VPS13A: variants seen among roughly 807,000 people sequenced by gnomAD.
VPS13A encodes intermembrane lipid transfer protein VPS13A.
In VPS13A, 264 loss-of-function variants were observed where a neutral mutation model predicts 390.9. The ratio of observed to expected loss-of-function variants is 0.68; its 90% CI spans 0.61 to 0.75. VPS13A has a LOEUF of 0.75. Among genes scored for constraint, VPS13A ranks in the 30% least tolerant of loss-of-function variants. The pLI, the probability that VPS13A is intolerant of heterozygous loss-of-function variation, is 0.00. For synonymous variants in VPS13A, 1,231 were observed against 1,227.1 expected (o/e 1.00, Z -0.07); for missense variants, 3,409 against 3,733.9 (o/e 0.91, Z 2.27).
intron 45 of VPS13A, among the ~76,000 whole-genome samples, chr9:77,329,933 A>AT (rs1213747253): frequency 2.0e-5 from 3 of 152,096 alleles, no homozygotes; most frequent in African/African-American, 7.2e-5. Flanking sequence ...TCCTGCTATC[A>AT]TATTGCTGTT....
chr9:77,191,724 T>C (rs558029795), intron 1 of VPS13A, among the ~76,000 whole-genome samples: 1 of 152,348 alleles, frequency 6.6e-6, no homozygotes, highest in Non-Finnish European at 1.5e-5. Flanking sequence ...TACCTATTTT[T>C]ATTGCACTGT....
intron 23 of VPS13A, among the ~76,000 whole-genome samples, chr9:77,267,959 T>A (rs1382157245): frequency 2.0e-5 from 3 of 152,212 alleles, no homozygotes; most frequent in Admixed American, 6.5e-5. Flanking sequence ...CAACTTTGTT[T>A]ACACTGTGAG....
chr9:77,218,623 C>A (rs1822998908), intron 10 of VPS13A, among the ~76,000 whole-genome samples: 1 of 148,368 alleles, frequency 6.7e-6, no homozygotes, highest in African/African-American at 2.5e-5. Context: ...CAATAAGGTT[C>A]TCATACTTTG....
intron 59 of VPS13A, among the ~76,000 whole-genome samples, chr9:77,362,360 T>G (rs1357466278): frequency 6.6e-6 from 1 of 152,214 alleles, no homozygotes; most frequent in African/African-American, 2.4e-5. Flanking sequence ...TTTGGCATGT[T>G]GCTATCCAGT....
rs942342926 is a variant in VPS13A, at chr9:77,347,655, T to A, written c.7289+2513T>A. On this transcript the variant is annotated intron_variant, in intron 52 of 71. Transcript: ENST00000360280. Reference sequence around the variant, plus strand: ...CCATGCCTAACTACATTTGAGTAGATTTTTTATCTATCTCTATATATCTAG... The same window carrying A: ...CCATGCCTAACTACATTTGAGTAGAATTTTTATCTATCTCTATATATCTAG... 2.0e-5 allele frequency among the ~76,000 whole-genome samples: 3 copies of A among 152,138 alleles called. No homozygotes were observed. In the East Asian group the frequency reaches 5.8e-4, roughly 29 times the overall value.
At chr9:77,311,486 G>GT (rs1397411135) in intron 35 of VPS13A, among the ~76,000 whole-genome samples, 3 of 151,862 alleles carry the variant, frequency 2.0e-5, no homozygotes, top group Admixed American at 6.6e-5. Context: ...ACAAGGCCTG[G>GT]TTTTTTTTAA....
intron 3 of VPS13A, among the ~76,000 whole-genome samples, chr9:77,204,734 C>G (rs903455923): frequency 1.3e-5 from 2 of 152,104 alleles, no homozygotes; most frequent in Admixed American, 1.3e-4. Context: ...TCAAGATCCT[C>G]CCACCTCAGC....
At chr9:77,394,851 C>CGTG (rs1416494390) in intron 68 of VPS13A, among the ~76,000 whole-genome samples, 1 of 152,210 alleles carries the variant, frequency 6.6e-6, no homozygotes, top group Admixed American at 6.5e-5. Context: ...CTGCTAGCTT[C>CGTG]ACCTTTTCTT....
Position 77,295,549 on chromosome 9 carries a change from T to C in VPS13A, c.3515T>C (p.Ile1172Thr). Reference sequence around the variant, plus strand: ...AATTCTGTTATCTTACAGGCTTTTATAGATAATTTTCAGGCAGCTAAACAA... The same window carrying C: ...AATTCTGTTATCTTACAGGCTTTTACAGATAATTTTCAGGCAGCTAAACAA... ...TKFLYSILAF[I>T]DNFQAAKQAL... is the part of the protein sequence containing the mutation. Residue 1172 changes from isoleucine to threonine, a missense_variant, in exon 33 of 72, where the codon ATA (isoleucine) becomes ACA (threonine). This residue lies in a region of VPS13A where 2,717 missense variants were observed against 2,917.4 expected (regional missense o/e 0.93). Coordinates refer to ENST00000360280, the MANE Select transcript of VPS13A (RefSeq NM_033305.3). 6.2e-7 allele frequency: 1 copy of C among 1,606,770 alleles called. No individual in the cohort carries two copies. Among genetic ancestry groups the C allele is most frequent in the South Asian group, 1.1e-5 (1 of 90,284 alleles).
At chr9:77,399,609 ATTC>A (rs750887556) in intron 68 of VPS13A, among the ~76,000 whole-genome samples, 20 of 152,246 alleles carry the variant, frequency 1.3e-4, no homozygotes, top group Non-Finnish European at 2.4e-4. Flanking sequence ...CAACATTTGT[ATTC>A]TTCATTTTTA....
chr9:77,275,435 A>G lies in VPS13A; in HGVS notation c.2513-63A>G, dbSNP rs145437243. On this transcript the variant is annotated intron_variant, in intron 24 of 71. Coordinates refer to ENST00000360280, the MANE Select transcript of VPS13A (RefSeq NM_033305.3). ...TGTTTTAGTGTTCATATTTATTTCT[A>G]TTGAAATACTGTTAAATTGATCATT... 1.2e-3 allele frequency: 1,782 copies of G among 1,493,894 alleles called. 15 individuals carry two copies. The African/African-American group carries it at 0.021, about 18-fold the overall frequency. The allele number at this position is 1,493,894 out of a possible 1,614,324, so 92.5% of individuals were successfully genotyped here.
intron 68 of VPS13A, among the ~76,000 whole-genome samples, chr9:77,401,154 T>G (rs1813537841): frequency 6.6e-6 from 1 of 152,240 alleles, no homozygotes; most frequent in Admixed American, 6.5e-5. Flanking sequence ...ATTTCACTAC[T>G]GCAGCTTTAT....
In VPS13A at chr9:77,181,267, A is replaced by G. The variant is rs566283116; in HGVS notation, c.100+3463A>G. ...GCCAGGCATAGTGGCTCATGCCTGT[A>G]ATCCCAGCACTTTGGGAGACTGGGG... On this transcript the variant is annotated intron_variant, in intron 1 of 71. Coordinates refer to ENST00000360280, the MANE Select transcript of VPS13A (RefSeq NM_033305.3). 1.2e-4 allele frequency among the ~76,000 whole-genome samples: 18 copies of G among 152,238 alleles called. No homozygotes were observed. The East Asian group carries it at 3.5e-3, about 29-fold the overall frequency.
At chr9:77,335,975 G>C (rs564590551) in intron 46 of VPS13A, among the ~76,000 whole-genome samples, 17 of 152,294 alleles carry the variant, frequency 1.1e-4, no homozygotes, top group African/African-American at 3.9e-4. Flanking sequence ...ATCAATGATA[G>C]ACTGGATAAA....
chr9:77,200,162 G>C (rs1825241604), intron 2 of VPS13A, among the ~76,000 whole-genome samples, 174 bp downstream of exon 2: 1 of 152,112 alleles, frequency 6.6e-6, no homozygotes, highest in South Asian at 2.1e-4. Context: ...AGCACAAATG[G>C]ACAGTGTGAT....
At chr9:77,332,201 C>T in intron 46 of VPS13A, 88 bp downstream of exon 46, 1 of 1,020,196 alleles carries the variant, frequency 9.8e-7, no homozygotes, top group Non-Finnish European at 1.6e-6. Context: ...TGATCAAATC[C>T]ATCCTGCTAA....
At chr9:77,273,216 T>C in intron 23 of VPS13A, 64 bp from the exon 24 acceptor site, 1 of 1,275,452 alleles carries the variant, frequency 7.8e-7, no homozygotes, top group South Asian at 1.3e-5. Context: ...TGAATAAACA[T>C]TTTTTGAATA....
intron 68 of VPS13A, among the ~76,000 whole-genome samples, chr9:77,400,827 GAA>G (rs60578931): frequency 3.7e-5 from 5 of 133,462 alleles, no homozygotes; most frequent in African/African-American, 2.9e-5. Flanking sequence ...GACTCTGTCT[GAA>G]AAAAAAAAAA....
At chr9:77,415,871 T>C in intron 71 of VPS13A, 85 bp from the exon 72 acceptor site, 1 of 1,520,228 alleles carries the variant, frequency 6.6e-7, no homozygotes, top group Non-Finnish European at 9.1e-7. Flanking sequence ...ACTATAAAGC[T>C]AACTTCTAGA....
Sources: gnomAD v4.1 joint callset for allele counts (sites outside exome capture counted in the v4.1 genomes callset) on GRCh38, gnomAD v4.1.1 for gene constraint, gnomAD v4.1.1 regional missense constraint, MANE v1.5 for transcripts, NCBI Gene and HGNC (gene_info 2026-07-23, HGNC 2026-07-21) for gene names.